The following BAHCC1 variants were observed in gnomAD, a reference collection of about 807,000 sequenced individuals.
BAHCC1 encodes BAH and coiled-coil domain-containing protein 1.
In BAHCC1, 43 loss-of-function variants were observed where a neutral mutation model predicts 88.2. That is an observed-to-expected ratio of 0.49 (90% confidence interval 0.38 to 0.63). The LOEUF (loss-of-function observed/expected upper bound fraction) is 0.63. Among genes scored for constraint, BAHCC1 ranks in the 20% least tolerant of loss-of-function variants. The pLI is 0.00. For missense variants in BAHCC1, 3,023 were observed against 1,654.8 expected (o/e 1.83, Z -14.34); for synonymous variants, 1,510 against 745.5 (o/e 2.03, Z -16.71).
rs945544455 is a variant in BAHCC1 at position 81,429,002 on chromosome 17, G to A, written c.358+2023G>A. 1.6e-4 allele frequency among the ~76,000 whole-genome samples: 24 copies of A among 152,328 alleles called. No homozygotes were observed. In the East Asian group the frequency reaches 1.7e-3, roughly 11 times the overall value. On this transcript the variant is annotated intron_variant, in intron 3 of 27. Transcript: ENST00000675386. ...CCTCCAGGCGGGGGTGGCCTGAGCC[G>A]GAGGAGAGGACAGTGCCCACAGTGG... is the stretch of plus-strand genomic sequence containing the variant.
chr17:81,422,404 C>G (rs988440177), intron 2 of BAHCC1, among the ~76,000 whole-genome samples: 8 of 152,196 alleles, frequency 5.3e-5, no homozygotes, highest in Non-Finnish European at 1.2e-4. Flanking sequence ...TGGCCCGTTT[C>G]CAGAATGAAA....
intron 14 of BAHCC1, among the ~76,000 whole-genome samples, chr17:81,453,473 A>G (rs1412641525): frequency 6.6e-6 from 1 of 152,260 alleles, no homozygotes; most frequent in Non-Finnish European, 1.5e-5. Flanking sequence ...GGTTCCTTCA[A>G]TTAAGACAGG....
intron 18 of BAHCC1, 28 bp downstream of exon 18, chr17:81,458,494 G>A (rs967146450): frequency 3.0e-6 from 2 of 675,348 alleles, no homozygotes; most frequent in Non-Finnish European, 2.7e-6. Flanking sequence ...GGTGCTGGGC[G>A]GAGAGGGTGG....
intron 2 of BAHCC1, 33 bp from the exon 3 acceptor site, chr17:81,426,767 G>T (rs1256260062): frequency 1.0e-5 from 4 of 398,390 alleles, no homozygotes; most frequent in Non-Finnish European, 1.8e-5. Flanking sequence ...CCTGGGAGCT[G>T]CCCCCAGAGT....
chr17:81,408,168 T>TCGGCAGGAGGAGGACATTCC (rs1555647211), intron 2 of BAHCC1, among the ~76,000 whole-genome samples: 1 of 152,180 alleles, frequency 6.6e-6, no homozygotes, highest in East Asian at 1.9e-4. Context: ...GAGCTCTTGC[T>TCGGCAGGAGGAGGACATTCC]CGGCAGGAGG....
Position 81,456,357 on chromosome 17 carries a change from A to G in BAHCC1, c.4630A>G (p.Arg1544Gly), listed in dbSNP as rs1555657264. ...CGGGCTGGCGCCCTCCGTGGCCCAC[A>G]GGGTGGCCCAGCTGAAACCCAAGGT... ...QGGLAPSVAH[R>G]VAQLKPKVKS... Residue 1544 changes from arginine (R) to glycine (G), a missense_variant, in exon 16 of 28, where the codon AGG becomes GGG. By Grantham distance (125) the Arg-to-Gly change is moderately radical. Coordinates refer to ENST00000675386, the MANE Select transcript of BAHCC1 (RefSeq NM_001377448.1). 1 of 722,154 alleles carries G rather than the reference A, an allele frequency of 1.4e-6. No homozygotes were observed. The highest frequency in any genetic ancestry group is 2.6e-6 in the Non-Finnish European group (1 of 388,788). The allele number at this position is 722,154 out of a possible 1,614,324, so 44.7% of individuals were successfully genotyped here.
chr17:81,429,847 A>C (rs2064240313), intron 3 of BAHCC1, among the ~76,000 whole-genome samples: 1 of 152,078 alleles, frequency 6.6e-6, no homozygotes, highest in Non-Finnish European at 1.5e-5. Context: ...GGAACCCCCC[A>C]TGCCAAGCGG....
At position 81,435,913 on chromosome 17, in the gene BAHCC1, T is replaced by G. The variant is rs2064329152; in HGVS notation, c.359-2457T>G. On this transcript the variant is annotated intron_variant, in intron 3 of 27. Transcript: ENST00000675386. The surrounding 1 kb of genome is among the most constrained non-coding windows in gnomAD (Gnocchi z 4.4). Reference sequence around the variant, plus strand: ...CTGGCCTCAGAACAGCTGCTCTGATTCATAAAAATCATTTTTAAATTTTCT... The same window carrying G: ...CTGGCCTCAGAACAGCTGCTCTGATGCATAAAAATCATTTTTAAATTTTCT... Among the ~76,000 whole-genome samples the G allele has an allele frequency of 6.6e-6, 1 of 152,232 alleles. No homozygotes were observed. Among genetic ancestry groups the G allele is most frequent in the African/African-American group, 2.4e-5 (1 of 41,468 alleles).
chr17:81,444,918 C>CGGTGGGCTT lies in BAHCC1; in HGVS notation c.2672-88_2672-80dup, dbSNP rs2064494840. 6.8e-4 allele frequency: 469 copies of CGGTGGGCTT among 690,280 alleles called. 12 individuals are homozygous for CGGTGGGCTT. The South Asian group carries it at 7.1e-3, about 10-fold the overall frequency. 42.8% of individuals were successfully genotyped at this position (690,280 alleles called of 1,614,324 possible). Reference sequence around the variant, plus strand: ...GTGCTGGCCAGGGCTCAGGAGGGAGCGGTGGGCTTGGTGGGCTGAGGAAAG... The same window carrying CGGTGGGCTT: ...GTGCTGGCCAGGGCTCAGGAGGGAGCGGTGGGCTTGGTGGGCTTGGTGGGCTGAGGAAAG... On this transcript the variant is annotated intron_variant, in intron 8 of 27. Coordinates refer to ENST00000675386, the MANE Select transcript of BAHCC1 (RefSeq NM_001377448.1).
At chr17:81,449,917 T>C (rs2064603048) in intron 11 of BAHCC1, among the ~76,000 whole-genome samples, 1 of 152,154 alleles carries the variant, frequency 6.6e-6, no homozygotes, top group Admixed American at 6.5e-5. Flanking sequence ...CCACGCACCA[T>C]GGAGTGCCCC....
chr17:81,453,371 C>T (rs1555656382), intron 14 of BAHCC1, among the ~76,000 whole-genome samples: 1 of 152,276 alleles, frequency 6.6e-6, no homozygotes, highest in Admixed American at 6.5e-5. Flanking sequence ...TTGCATAAAT[C>T]CTCCGAGCTC....
chr17:81,420,251 G>GTTCC (rs880002365), intron 2 of BAHCC1, among the ~76,000 whole-genome samples: 1 of 152,218 alleles, frequency 6.6e-6, no homozygotes, highest in Non-Finnish European at 1.5e-5. Flanking sequence ...AGGCAGGCTA[G>GTTCC]TTCCCATCGG....
intron 2 of BAHCC1, among the ~76,000 whole-genome samples, chr17:81,413,661 A>G (rs2063984078): frequency 6.6e-6 from 1 of 152,222 alleles, no homozygotes; most frequent in South Asian, 2.1e-4. Flanking sequence ...CGGGGGCTGC[A>G]GCAAGGTCCC....
chr17:81,445,769 C>T, intron 10 of BAHCC1, 88 bp downstream of exon 10: 1 of 657,610 alleles, frequency 1.5e-6, no homozygotes, highest in Non-Finnish European at 2.8e-6. Context: ...ATCCGGGCTG[C>T]CTGCAGGGAG....
chr17:81,414,089 C>T (rs2063989157), intron 2 of BAHCC1, among the ~76,000 whole-genome samples: 1 of 152,190 alleles, frequency 6.6e-6, no homozygotes, highest in African/African-American at 2.4e-5. Context: ...GTGGGGGTGC[C>T]TTCTGAGCCC....
At chr17:81,397,856 A>G (rs1243509934) in intron 1 of BAHCC1, among the ~76,000 whole-genome samples, 1 of 152,200 alleles carries the variant, frequency 6.6e-6, no homozygotes, top group Admixed American at 6.5e-5. Context: ...GTGTAGACCC[A>G]TTTATTTACA....
At chr17:81,460,796 C>T (rs3744148) in intron 25 of BAHCC1, 70 bp from the exon 26 acceptor site, 323,930 of 770,248 alleles carry the variant, frequency 0.42, 74,731 homozygotes, top group East Asian at 0.86. Flanking sequence ...AGGCAGGGTC[C>T]GGGGAGGGGC....
At position 81,398,784 on chromosome 17, in the gene BAHCC1, G is replaced by A. The variant is rs370210570; in HGVS notation, c.-206-750G>A. Among the ~76,000 whole-genome samples, 26 of 145,072 alleles carry A rather than the reference G, an allele frequency of 1.8e-4. No homozygotes were observed. The South Asian group carries it at 4.7e-3, about 26-fold the overall frequency. On this transcript the variant is annotated intron_variant, in intron 1 of 27. Coordinates refer to ENST00000675386, the MANE Select transcript of BAHCC1 (RefSeq NM_001377448.1). Reference sequence around the variant, plus strand: ...CCGGTGGCGGTTGCGGGCCTCCGGGGCTCTGAGGAGCCGGCCTGGGGTCCT... The same window carrying A: ...CCGGTGGCGGTTGCGGGCCTCCGGGACTCTGAGGAGCCGGCCTGGGGTCCT...
chr17:81,413,229 T>C, intron 2 of BAHCC1: 2 of 278,760 alleles, frequency 7.2e-6, no homozygotes. Context: ...CCCCGGGCGC[T>C]CGCTGCTGGC....
Sources: gnomAD v4.1 joint callset for allele counts (sites outside exome capture counted in the v4.1 genomes callset) on GRCh38, gnomAD v4.1.1 for gene constraint, Gnocchi (gnomAD v3.1) non-coding constraint, MANE v1.5 for transcripts, NCBI Gene and HGNC (gene_info 2026-07-23, HGNC 2026-07-21) for gene names.